CA4: variants seen among roughly 807,000 people sequenced by gnomAD.
CA4 encodes CA-IV.
CA4 carries 24 observed loss-of-function variants against 34.5 expected under a neutral mutation model. The ratio of observed to expected loss-of-function variants is 0.70; its 90% CI spans 0.50 to 0.98. The LOEUF is 0.98. CA4 is among the 50% of genes least tolerant of loss of function. The probability of loss-of-function intolerance (pLI) is 0.00; values close to 1 mark genes in which losing one functional copy is unlikely to be tolerated. For missense variants in CA4, 394 were observed against 396.7 expected (o/e 0.99, Z 0.06); for synonymous variants, 178 against 170.6 (o/e 1.04, Z -0.34).
At chr17:60,172,303 C>T (rs1448055253), downstream of CA4, among the ~76,000 whole-genome samples, 1 of 152,180 alleles carries the variant, frequency 6.6e-6, no homozygotes, top group African/African-American at 2.4e-5. Context: ...CTCTCTCTGG[C>T]ATGCCTCCTC....
At chr17:60,175,270 T>TTTTAA (rs1454741271), downstream of CA4, among the ~76,000 whole-genome samples, 2 of 150,620 alleles carry the variant, frequency 1.3e-5, no homozygotes, top group Non-Finnish European at 2.9e-5. Flanking sequence ...ATTTTTAGCT[T>TTTTAA]TTTAAAAGAC....
intron 5 of CA4, among the ~76,000 whole-genome samples, chr17:60,170,342 G>A (rs1219706895): frequency 6.6e-6 from 1 of 152,168 alleles, no homozygotes; most frequent in Non-Finnish European, 1.5e-5. Context: ...GCTGGTGGCC[G>A]CCTTTACAAC....
At chr17:60,161,605 G>T (rs1215232628), downstream of CA4, among the ~76,000 whole-genome samples, 1 of 150,328 alleles carries the variant, frequency 6.7e-6, no homozygotes, top group African/African-American at 2.5e-5. Flanking sequence ...CTCTCACCCC[G>T]AGCCCCCCAT....
At chr17:60,150,962 C>CCTCT (rs2083582563) in intron 1 of CA4, among the ~76,000 whole-genome samples, 2 of 152,320 alleles carry the variant, frequency 1.3e-5, no homozygotes, top group Admixed American at 6.5e-5. Context: ...AGCCCCAAGG[C>CCTCT]CTCTGCGGAG....
chr17:60,157,822 C>A, intron 5 of CA4, 34 bp downstream of exon 5: 1 of 1,584,624 alleles, frequency 6.3e-7, no homozygotes, highest in Non-Finnish European at 8.7e-7. Context: ...CCGGGGAACC[C>A]GGGGCTGAGA....
Position 60,159,326 on chromosome 17 carries a change from GTGATAAAGTCCGGGGC to G in CA4, c.842_857del (p.Val281AlafsTer50). ...CCTGCAGCAGCTGGGGCAGCGCACG[GTGATAAAGTCCGGGGC>G]CCCGGGTCGGCCGCTGCCCTGGGCC... On this transcript the variant is annotated frameshift_variant, in exon 8 of 8. Coordinates refer to ENST00000300900, the MANE Select transcript of CA4 (RefSeq NM_000717.5). LOFTEE classifies it low-confidence loss of function (END_TRUNC). The G allele has an allele frequency of 1.9e-6, 3 of 1,609,670 alleles. No homozygotes were observed. Among genetic ancestry groups the G allele is most frequent in the Middle Eastern group, 1.7e-4 (1 of 6,056 alleles).
chr17:60,155,507 A>T, intron 2 of CA4, 140 bp downstream of exon 2: 1 of 639,170 alleles, frequency 1.6e-6, no homozygotes. Context: ...ATACACACAC[A>T]CACACACACA....
downstream of CA4, among the ~76,000 whole-genome samples, chr17:60,163,531 C>T (rs796853585): frequency 4.6e-5 from 7 of 152,240 alleles, no homozygotes; most frequent in African/African-American, 1.7e-4. Context: ...GGGAACTGTT[C>T]CTGCACCTCG....
chr17:60,159,677 G>A (rs143364293), downstream of CA4: 2 of 593,806 alleles, frequency 3.4e-6, no homozygotes, highest in African/African-American at 3.7e-5. Context: ...ACCACCAGGT[G>A]TCCCCACTCC....
chr17:60,177,138 A>T, the CA4 span, among the ~76,000 whole-genome samples: 1 of 152,216 alleles, frequency 6.6e-6, no homozygotes, highest in Non-Finnish European at 1.5e-5. Flanking sequence ...TCAGAAAGAA[A>T]TTATTCAAGT....
At chr17:60,165,153 G>A (rs187792010) in intron 5 of CA4, among the ~76,000 whole-genome samples, 13 of 152,254 alleles carry the variant, frequency 8.5e-5, no homozygotes, top group Admixed American at 5.2e-4. Flanking sequence ...AACACTGGGC[G>A]GAGGCTGGAA....
downstream of CA4, among the ~76,000 whole-genome samples, chr17:60,174,900 C>T (rs1410003270): frequency 6.6e-6 from 1 of 152,184 alleles, no homozygotes; most frequent in African/African-American, 2.4e-5. Context: ...GCAATGCCAC[C>T]AAGTGGTGGA....
At chr17:60,162,874 C>T (rs547112846), downstream of CA4, among the ~76,000 whole-genome samples, 2 of 152,264 alleles carry the variant, frequency 1.3e-5, no homozygotes, top group East Asian at 1.9e-4. Context: ...CTCCCCTGGC[C>T]GGCTCTCTCC....
At chr17:60,166,698 G>A (rs1362904670) in intron 5 of CA4, among the ~76,000 whole-genome samples, 1 of 123,466 alleles carries the variant, frequency 8.1e-6, no homozygotes, top group Admixed American at 8.8e-5. Flanking sequence ...GCTCATGCCT[G>A]TAATCCCAGC....
intron 7 of CA4, chr17:60,158,713 G>A: frequency 1.8e-6 from 1 of 540,738 alleles, no homozygotes; most frequent in Non-Finnish European, 3.3e-6. Flanking sequence ...GCTCTGGGGA[G>A]ACAGCAGTGA....
downstream of CA4, among the ~76,000 whole-genome samples, chr17:60,171,397 G>C (rs1389540942): frequency 1.3e-5 from 2 of 152,226 alleles, no homozygotes; most frequent in African/African-American, 4.8e-5. Flanking sequence ...AGGGAACAGA[G>C]GCCAGGCAGC....
At position 60,159,541 on chromosome 17, in the gene CA4, G is replaced by A; in HGVS notation, c.*117G>A. On this transcript the variant is annotated 3_prime_UTR_variant, in exon 8 of 8. Coordinates refer to ENST00000300900, the MANE Select transcript of CA4 (RefSeq NM_000717.5). ...TGATTAAAATATGGACATATTTTTG[G>A]AGAAACCTTTCTCAAGTGTGTTTTT... 8.5e-7 allele frequency: 1 copy of A among 1,172,974 alleles called. No homozygotes were observed. The highest frequency in any genetic ancestry group is 1.3e-5 in the South Asian group (1 of 76,560). 72.7% of individuals were successfully genotyped at this position (1,172,974 alleles called of 1,614,324 possible).
downstream of CA4, among the ~76,000 whole-genome samples, chr17:60,172,832 G>GA (rs199603294): frequency 8.4e-3 from 1,268 of 150,454 alleles, 25 homozygotes; most frequent in African/African-American, 0.029. Flanking sequence ...CGACAAGAGT[G>GA]AAACTCCGTC....
At chr17:60,164,216 TTCTTTC>T (rs770149149), downstream of CA4, among the ~76,000 whole-genome samples, 423 of 145,922 alleles carry the variant, frequency 2.9e-3, 3 homozygotes, top group African/African-American at 7.2e-3. Flanking sequence ...CTTTTTTTCT[TTCTTTC>T]TCTTTCTCTT....
Sources: gnomAD v4.1 joint callset for allele counts (sites outside exome capture counted in the v4.1 genomes callset) on GRCh38, gnomAD v4.1.1 for gene constraint, MANE v1.5 for transcripts, NCBI Gene and HGNC (gene_info 2026-07-23, HGNC 2026-07-21) for gene names.